ESS2: variants seen among roughly 807,000 people sequenced by gnomAD.
ESS2 encodes the protein splicing factor ESS-2 homolog.
ESS2 carries 31 observed loss-of-function variants against 52.0 expected under a neutral mutation model. That is an observed-to-expected ratio of 0.60 (90% CI 0.45 to 0.81). The LOEUF is 0.81. Ranked by LOEUF, ESS2 falls within the 30% of genes least tolerant of loss-of-function variation. The probability of loss-of-function intolerance (pLI) is 0.00; values close to 1 mark genes in which losing one functional copy is unlikely to be tolerated. For synonymous variants in ESS2, 285 were observed against 259.2 expected (o/e 1.10, Z -0.95); for missense variants, 602 against 637.2 (o/e 0.94, Z 0.59).
chr22:19,134,174 T>A lies in ESS2; in HGVS notation c.*22A>T. ...CCCTGCAGGCTCTGTGAAGCGTCTA[T>A]GAGCCCAGCCCAGGCCTGGCTCTAA... On this transcript the variant is annotated 3_prime_UTR_variant, in exon 10 of 10. Transcript: ENST00000252137. 1 of 1,492,032 alleles carries A rather than the reference T, an allele frequency of 6.7e-7. No homozygotes were observed. The highest frequency in any genetic ancestry group is 1.4e-5 in the South Asian group (1 of 72,360). 92.4% of individuals were successfully genotyped at this position (1,492,032 alleles called of 1,614,324 possible).
At chr22:19,138,962 A>G (rs2083634285) in intron 6 of ESS2, among the ~76,000 whole-genome samples, 197 bp downstream of exon 6, 1 of 152,202 alleles carries the variant, frequency 6.6e-6, no homozygotes, top group Non-Finnish European at 1.5e-5. Flanking sequence ...CTGGACCTAC[A>G]GAACGTGTGT....
At chr22:19,141,800 C>G (rs1179747208) in intron 3 of ESS2, among the ~76,000 whole-genome samples, 3 of 152,090 alleles carry the variant, frequency 2.0e-5, no homozygotes, top group Non-Finnish European at 2.9e-5. Flanking sequence ...CTAGCCGGGA[C>G]AACATGGCAA....
In ESS2 at chr22:19,134,189, C is replaced by T. The variant is rs753345892; in HGVS notation, c.*7G>A. The T allele has an allele frequency of 3.3e-6, 5 of 1,507,024 alleles. No individual in the cohort carries two copies. The Admixed American group carries it at 8.8e-5, about 27-fold the overall frequency. The allele number at this position is 1,507,024 out of a possible 1,614,324, so 93.4% of individuals were successfully genotyped here. A position where few individuals can be genotyped will look rare whatever the true frequency, so the allele number is the denominator to read the frequency against. ...GAAGCGTCTATGAGCCCAGCCCAGG[C>T]CTGGCTCTAAAAGAAGTCCGAAGCT... On this transcript the variant is annotated 3_prime_UTR_variant, in exon 10 of 10. Coordinates refer to ENST00000252137, the MANE Select transcript of ESS2 (RefSeq NM_022719.3).
At chr22:19,137,990 A>T (rs2083613672) in intron 7 of ESS2, 1 of 985,374 alleles carries the variant, frequency 1.0e-6, no homozygotes. Flanking sequence ...TCATCCCAGG[A>T]TGTCTCAGGC....
chr22:19,139,266 T>C lies in ESS2; in HGVS notation c.715A>G (p.Lys239Glu), dbSNP rs1207237361. The change falls in exon 6 of 10, where the codon AAG (lysine) becomes GAG (glutamate). Residue 239 changes from lysine (K) to glutamate (E), a missense_variant. Coordinates refer to ENST00000252137, the MANE Select transcript of ESS2 (RefSeq NM_022719.3). The stretch of plus-strand genomic sequence containing the variant: ...TTATGTACCACCTGCCGGGGCTTCT[T>C]AAACAGCTGCTCCTCGTCAGGGACA... ...EGVPDEEQLF[K>E]KPRQVVHKNT... 6.2e-7 allele frequency: 1 copy of C among 1,603,594 alleles called. No individual in the cohort carries two copies. The highest frequency in any genetic ancestry group is 1.3e-5 in the African/African-American group (1 of 74,696).
intron 8 of ESS2, among the ~76,000 whole-genome samples, chr22:19,137,008 T>C (rs1434421124): frequency 2.0e-5 from 3 of 152,252 alleles, no homozygotes; most frequent in South Asian, 2.1e-4. Flanking sequence ...CCTCGTCCTA[T>C]GGCCCTCAGG....
intron 3 of ESS2, among the ~76,000 whole-genome samples, chr22:19,141,504 CTG>C (rs2083685697): frequency 1.3e-5 from 2 of 152,324 alleles, no homozygotes; most frequent in South Asian, 4.1e-4. Flanking sequence ...CCATATAGAG[CTG>C]TGTGTCCCAG....
rs17743887 is a variant in ESS2 at position 19,137,352 on chromosome 22, C to T, written c.1006G>A (p.Val336Met). 0.028 allele frequency: 44,918 copies of T among 1,613,656 alleles called. 735 individuals are homozygous for T. Among genetic ancestry groups the T allele is most frequent in the Middle Eastern group, 0.051 (311 of 6,056 alleles). The part of the protein sequence containing the change: ...LRVEGSETPY[V>M]DRTPGPAFKI... ...AAAGCTGGGCCGGGTGTCCTGTCCA[C>T]GTAGGGCGTTTCCGACCCTTCAACT... The change falls in exon 8 of 10, where the codon GTG becomes ATG. Residue 336 changes from valine (V) to methionine (M), a missense_variant. By Grantham distance (21) the Val-to-Met change is conservative (BLOSUM62 1). Coordinates refer to ENST00000252137, the MANE Select transcript of ESS2 (RefSeq NM_022719.3).
At chr22:19,135,228 C>G in intron 8 of ESS2, 53 bp from the exon 9 acceptor site, 1 of 1,459,584 alleles carries the variant, frequency 6.9e-7, no homozygotes, top group Non-Finnish European at 9.5e-7. Flanking sequence ...ACACGCCAGG[C>G]AGCCCCTCAC....
At position 19,132,324 on chromosome 22, in the gene ESS2, C is replaced by CA. The variant is rs2146085456; in HGVS notation, c.*1871dup. Reference sequence around the variant, plus strand: ...CACCAAGACAGGCTTGAGGCCCGACCACCGGCCCGACCACAAGCTTGGAGC... The same window carrying CA: ...CACCAAGACAGGCTTGAGGCCCGACCAACCGGCCCGACCACAAGCTTGGAGC... On this transcript the variant is annotated 3_prime_UTR_variant, in exon 10 of 10. Transcript: ENST00000252137. The surrounding 1 kb of genome is among the most constrained non-coding windows in gnomAD (Gnocchi z 4.2). The CA allele has an allele frequency of 6.2e-7, 1 of 1,612,898 alleles. No homozygotes were observed. The highest frequency in any genetic ancestry group is 2.2e-5 in the East Asian group (1 of 44,860).
At chr22:19,138,617 A>C in intron 6 of ESS2, 1 of 551,738 alleles carries the variant, frequency 1.8e-6, no homozygotes, top group Middle Eastern at 5.0e-4. Context: ...GAGGATGCTG[A>C]CGCCAGGCCC....
Position 19,139,616 on chromosome 22 carries a change from T to G in ESS2, c.684A>C (p.Pro228=), listed in dbSNP as rs1601357135. 3 of 1,613,422 alleles carry G rather than the reference T, an allele frequency of 1.9e-6. No individual in the cohort carries two copies. The highest frequency in any genetic ancestry group is 2.5e-6 in the Non-Finnish European group (3 of 1,179,336). ...YKAKNSLMYY[P]EGVPDEEQLF... ...GCTGCGAGGCCCGCCACTTACCCTC[T>G]GGATAGTACATGAGGGAATTCTTGG... is the stretch of plus-strand genomic sequence containing the variant. The change falls in exon 5 of 10, where the codon CCA becomes CCC. Residue 228 remains proline (P), a synonymous_variant. Transcript: ENST00000252137.
rs536639961 is a variant in ESS2 at position 19,137,937 on chromosome 22, C to T, written c.925+278G>A. On this transcript the variant is annotated intron_variant, in intron 7 of 9. Coordinates refer to ENST00000252137, the MANE Select transcript of ESS2 (RefSeq NM_022719.3). ...TAGACTCATAAGCACTGTGCACACA[C>T]CCCCACCCACTGACATCACAGTAAG... 4.1e-6 allele frequency: 4 copies of T among 985,420 alleles called. No individual in the cohort carries two copies. In the South Asian group the frequency reaches 1.9e-4, roughly 46 times the overall value. The allele number at this position is 985,420 out of a possible 1,614,324, so 61.0% of individuals were successfully genotyped here. A position where few individuals can be genotyped will look rare whatever the true frequency, so the allele number is the denominator to read the frequency against.
Position 19,131,095 on chromosome 22 carries a change from G to A in ESS2, c.*3101C>T, listed in dbSNP as rs576399328. 1.1e-4 allele frequency: 39 copies of A among 348,214 alleles called. No homozygotes were observed. Among genetic ancestry groups the A allele is most frequent in the African/African-American group, 8.1e-4 (39 of 47,958 alleles). The allele number at this position is 348,214 out of a possible 1,614,324, so 21.6% of individuals were successfully genotyped here. On this transcript the variant is annotated 3_prime_UTR_variant, in exon 10 of 10. Transcript: ENST00000252137. The surrounding 1 kb of genome is among the most constrained non-coding windows in gnomAD (Gnocchi z 5.7). ...ATGCAGCAGCAGCAGGGCCACCAGA[G>A]TCCTGTCCTGGGGACAGGCTTCCTT...
At chr22:19,140,599 C>A (rs1023827807) in intron 3 of ESS2, among the ~76,000 whole-genome samples, 13 of 152,256 alleles carry the variant, frequency 8.5e-5, no homozygotes, top group African/African-American at 2.9e-4. Flanking sequence ...CAAACACCCC[C>A]CCCTCCGACC....
At chr22:19,136,659 G>A (rs937159493) in intron 8 of ESS2, among the ~76,000 whole-genome samples, 27 of 152,070 alleles carry the variant, frequency 1.8e-4, no homozygotes, top group African/African-American at 5.1e-4. Context: ...CTTGCCTTGC[G>A]CTCTCACATT....
Position 19,131,649 on chromosome 22 carries a change from G to C in ESS2, c.*2547C>G, listed in dbSNP as rs200748051. On this transcript the variant is annotated 3_prime_UTR_variant, in exon 10 of 10. Coordinates refer to ENST00000252137, the MANE Select transcript of ESS2 (RefSeq NM_022719.3). This position sits in a 1 kb window ranked among gnomAD's most constrained non-coding sequence, Gnocchi z 5.7. ...TTACGAGATCTTTGAGACCTCTGAC[G>C]GACGGATCTACATCATCATGGAGCT... 6.2e-7 allele frequency: 1 copy of C among 1,613,994 alleles called. No individual in the cohort carries two copies.
In ESS2 at chr22:19,137,383, G is replaced by A; in HGVS notation, c.975C>T (p.Pro325=). The A allele has an allele frequency of 1.2e-6, 2 of 1,613,808 alleles. No individual in the cohort carries two copies. Among genetic ancestry groups the A allele is most frequent in the Non-Finnish European group, 1.7e-6 (2 of 1,179,858 alleles). The change falls in exon 8 of 10, where the codon CCC becomes CCT. Residue 325 remains proline, a synonymous_variant. Transcript: ENST00000252137. The part of the protein sequence containing the change: ...MMTWGEVENT[P]LRVEGSETPY... The stretch of plus-strand genomic sequence containing the variant: ...GCGTTTCCGACCCTTCAACTCTCAA[G>A]GGTGTGTTCTCAACCTCCCCCCAGG...
At position 19,144,534 on chromosome 22, in the gene ESS2, C is replaced by T. The variant is rs1156924914; in HGVS notation, c.107G>A (p.Arg36Gln). ...GEAGAATSKQ[R>Q]VLDEEEYIEG... The stretch of plus-strand genomic sequence containing the variant: ...GATATACTCTTCCTCGTCCAGGACC[C>T]GCTGCTTGCTCGTCGCAGCCCCAGC... The change falls in exon 1 of 10, where the codon CGG becomes CAG. Residue 36 changes from arginine (R) to glutamine (Q), a missense_variant. By Grantham distance (43) the Arg-to-Gln change is conservative. Coordinates refer to ENST00000252137, the MANE Select transcript of ESS2 (RefSeq NM_022719.3). 12 of 1,609,244 alleles carry T rather than the reference C, an allele frequency of 7.5e-6. No individual in the cohort carries two copies. The East Asian group carries it at 1.4e-4, about 18-fold the overall frequency.
Sources: allele counts gnomAD v4.1 joint callset (sites outside exome capture counted in the v4.1 genomes callset), GRCh38; gene constraint gnomAD v4.1.1; non-coding constraint Gnocchi (gnomAD v3.1); transcripts MANE v1.5; gene names NCBI Gene and HGNC (gene_info 2026-07-23, HGNC 2026-07-21).